The following HTR5A variants were observed in gnomAD, a reference collection of about 807,000 sequenced individuals.
HTR5A encodes 5-hydroxytryptamine receptor 5A, also known as 5-HT-5.
HTR5A carries 21 observed loss-of-function variants against 24.3 expected under a neutral mutation model. The observed-to-expected ratio is 0.86, with a 90% CI of 0.61 to 1.24. The LOEUF (loss-of-function observed/expected upper bound fraction) is 1.24, where lower values mean the gene tolerates loss of function less well. Ranked by LOEUF, HTR5A falls within the 50% of genes most tolerant of loss-of-function variation. The pLI, the probability that HTR5A is intolerant of heterozygous loss-of-function variation, is 0.00. For missense variants in HTR5A, 497 were observed against 489.5 expected, an observed-to-expected ratio of 1.02 and a Z score of -0.15; for synonymous variants, 260 against 213.7, an observed-to-expected ratio of 1.22 and a Z score of -1.89.
At position 155,072,318 on chromosome 7, in the gene HTR5A, C is replaced by T. The variant is rs546355654; in HGVS notation, c.741+678C>T. 3.9e-5 allele frequency among the ~76,000 whole-genome samples: 6 copies of T among 152,182 alleles called. No individual in the cohort carries two copies. The South Asian group carries it at 1.2e-3, about 32-fold the overall frequency. On this transcript the variant is annotated intron_variant, in intron 1 of 1. Transcript: ENST00000287907. ...TAGGGTGTTACTTTATGGGTCTATC[C>T]CCCACAGCCCTATTAGGTTGTAGGT...
chr7:155,084,018 C>A, intron 1 of HTR5A, 137 bp from the exon 2 acceptor site: 1 of 657,636 alleles, frequency 1.5e-6, no homozygotes, highest in Non-Finnish European at 2.6e-6. Context: ...GTGCCACAGG[C>A]CTTCAGGTTC....
At chr7:155,072,515 G>A (rs994225208) in intron 1 of HTR5A, among the ~76,000 whole-genome samples, 9 of 152,032 alleles carry the variant, frequency 5.9e-5, no homozygotes, top group African/African-American at 2.2e-4. Context: ...CTGTTTTTTT[G>A]TTAACTCTTA....
In HTR5A at chr7:155,071,385, C is replaced by T. The variant is rs764574132; in HGVS notation, c.486C>T (p.Ile162=). 3.7e-6 allele frequency: 6 copies of T among 1,613,964 alleles called. No individual in the cohort carries two copies. Among genetic ancestry groups the T allele is most frequent in the East Asian group, 2.2e-5 (1 of 44,896 alleles). ...GCAAGTGCGTCTCCAACGTCATGAT[C>T]GCGCTCACCTGGGCACTCTCCGCTG... The part of the protein sequence containing the change: ...RTRKCVSNVM[I]ALTWALSAVI... The change falls in exon 1 of 2, where the codon ATC becomes ATT. Residue 162 remains isoleucine, a synonymous_variant. Coordinates refer to ENST00000287907, the MANE Select transcript of HTR5A (RefSeq NM_024012.4).
At chr7:155,081,860 C>T (rs1795421529) in intron 1 of HTR5A, among the ~76,000 whole-genome samples, 1 of 152,234 alleles carries the variant, frequency 6.6e-6, no homozygotes. Context: ...CAGTGTCACT[C>T]TTTCTTCTGT....
At chr7:155,077,562 C>A (rs1317337971) in intron 1 of HTR5A, among the ~76,000 whole-genome samples, 1 of 149,676 alleles carries the variant, frequency 6.7e-6, no homozygotes, top group Non-Finnish European at 1.5e-5. Flanking sequence ...CTCCCAGGTT[C>A]AAATCATTCT....
chr7:155,086,221 A>G lies in HTR5A; in HGVS notation c.*1734A>G, dbSNP rs574982165. On this transcript the variant is annotated 3_prime_UTR_variant, in exon 2 of 2. Transcript: ENST00000287907. ...GGAAGGGAAGTGTTTGAAAAACCTT[A>G]TTAAGTACCCCATGGCAGAGAAGAA... Among the ~76,000 whole-genome samples the G allele has an allele frequency of 6.6e-5, 10 of 152,354 alleles. No individual in the cohort carries two copies. The highest frequency in any genetic ancestry group is 6.5e-4 in the Admixed American group (10 of 15,310).
intron 1 of HTR5A, among the ~76,000 whole-genome samples, chr7:155,074,039 G>T (rs1364318955): frequency 6.6e-6 from 1 of 151,722 alleles, no homozygotes; most frequent in African/African-American, 2.4e-5. Context: ...GGCTGCCTCT[G>T]TCCTTATGTT....
intron 1 of HTR5A, among the ~76,000 whole-genome samples, chr7:155,073,430 G>T (rs1795320570): frequency 6.6e-6 from 1 of 151,740 alleles, no homozygotes; most frequent in African/African-American, 2.4e-5. Context: ...CCTCAACAGA[G>T]AATTGTTCAG....
intron 1 of HTR5A, among the ~76,000 whole-genome samples, chr7:155,076,427 G>T (rs763436131): frequency 3.9e-4 from 59 of 152,210 alleles, no homozygotes; most frequent in Non-Finnish European, 7.5e-4. Context: ...CTACTGGAAA[G>T]GTCCATAATT....
rs192648377 is a variant in HTR5A, at chr7:155,078,738, A to G, written c.742-5417A>G. Among the ~76,000 whole-genome samples, 217 of 101,120 alleles carry G rather than the reference A, an allele frequency of 2.1e-3. 1 individual carries two copies. The highest frequency in any genetic ancestry group is 6.5e-3 in the Middle Eastern group (1 of 154). The allele number at this position is 101,120 out of a possible 152,430, so 66.3% of individuals were successfully genotyped here. On this transcript the variant is annotated intron_variant, in intron 1 of 1. Coordinates refer to ENST00000287907, the MANE Select transcript of HTR5A (RefSeq NM_024012.4). ...CACAACTGGGTTATATAACTCTTCT[A>G]TTTTCTGTGCTTCTTTTTTTTTTTA...
At chr7:155,077,914 C>T (rs767481688) in intron 1 of HTR5A, among the ~76,000 whole-genome samples, 18 of 152,176 alleles carry the variant, frequency 1.2e-4, no homozygotes, top group Middle Eastern at 3.4e-3. Context: ...TATTGACACC[C>T]ACATAAACAA....
intron 1 of HTR5A, among the ~76,000 whole-genome samples, chr7:155,082,241 G>A (rs144723682): frequency 8.2e-4 from 125 of 152,046 alleles, no homozygotes; most frequent in African/African-American, 2.8e-3. Flanking sequence ...CATCCATGGG[G>A]TCACCAATGT....
chr7:155,077,209 T>C (rs934002566), intron 1 of HTR5A: 1 of 152,188 alleles, frequency 6.6e-6, no homozygotes, highest in Non-Finnish European at 1.5e-5. Context: ...CACATTTTAT[T>C]TGGAAGCAGA....
At chr7:155,075,507 A>T (rs1795350551) in intron 1 of HTR5A, among the ~76,000 whole-genome samples, 1 of 152,240 alleles carries the variant, frequency 6.6e-6, no homozygotes, top group Non-Finnish European at 1.5e-5. Flanking sequence ...TCTTCTTCTT[A>T]GTTCCAGTGC....
rs1169692099 is a variant in HTR5A, at chr7:155,073,889, G to GTATATATA, written c.741+2269_741+2276dup. Among the ~76,000 whole-genome samples, 9 of 9,666 alleles carry GTATATATA rather than the reference G, an allele frequency of 9.3e-4. 1 individual carries two copies. The highest frequency in any genetic ancestry group is 1.2e-3 in the African/African-American group (8 of 6,832). The allele number at this position is 9,666 out of a possible 152,430, so 6.3% of individuals were successfully genotyped here. A position where few individuals can be genotyped will look rare whatever the true frequency, so the allele number is the denominator to read the frequency against. On this transcript the variant is annotated intron_variant, in intron 1 of 1. Coordinates refer to ENST00000287907, the MANE Select transcript of HTR5A (RefSeq NM_024012.4). ...TGTATATATATATGTATATATATAT[G>GTATATATA]TATATATATATATATATATATATAT...
intron 1 of HTR5A, among the ~76,000 whole-genome samples, chr7:155,073,621 G>A (rs1405985772): frequency 6.6e-6 from 1 of 151,774 alleles, no homozygotes; most frequent in African/African-American, 2.4e-5. Context: ...TCACCTCCAA[G>A]GGCCCTCCTT....
Position 155,084,568 on chromosome 7 carries a change from A to C in HTR5A, c.*81A>C. ...TTCATCCATTTCCCATCCCCACCCA[A>C]CAGCCATGTGGACGGGATGAATCCT... On this transcript the variant is annotated 3_prime_UTR_variant, in exon 2 of 2. Coordinates refer to ENST00000287907, the MANE Select transcript of HTR5A (RefSeq NM_024012.4). 3 of 1,166,766 alleles carry C rather than the reference A, an allele frequency of 2.6e-6. No homozygotes were observed. The highest frequency in any genetic ancestry group is 3.7e-6 in the Non-Finnish European group (3 of 813,342). 72.3% of individuals were successfully genotyped at this position (1,166,766 alleles called of 1,614,324 possible).
intron 1 of HTR5A, among the ~76,000 whole-genome samples, chr7:155,082,482 G>A (rs1181882559): frequency 2.0e-5 from 3 of 152,206 alleles, no homozygotes; most frequent in Non-Finnish European, 2.9e-5. Flanking sequence ...AGTGTTACCA[G>A]CATCCTTTAT....
chr7:155,070,330 C>T lies in HTR5A; in HGVS notation c.-570C>T, dbSNP rs558014867. 505 of 268,630 alleles carry T rather than the reference C, an allele frequency of 1.9e-3. 1 individual carries two copies. The highest frequency in any genetic ancestry group is 2.6e-3 in the Non-Finnish European group (337 of 128,326). 16.6% of individuals were successfully genotyped at this position (268,630 alleles called of 1,614,324 possible). On this transcript the variant is annotated 5_prime_UTR_variant, in exon 1 of 2. Coordinates refer to ENST00000287907, the MANE Select transcript of HTR5A (RefSeq NM_024012.4). ...AGGTCTCGGTGGGCGCGCCAGCATTCGCTCTCCGGAGCTGCAGCCTCCGAA... is the reference window on the plus strand; with the variant it reads ...AGGTCTCGGTGGGCGCGCCAGCATTTGCTCTCCGGAGCTGCAGCCTCCGAA...
Sources: allele counts gnomAD v4.1 joint callset (sites outside exome capture counted in the v4.1 genomes callset), GRCh38; gene constraint gnomAD v4.1.1; transcripts MANE v1.5; gene names NCBI Gene and HGNC (gene_info 2026-07-23, HGNC 2026-07-21).